Variants in SHANK2 observed in about 807,000 individuals in gnomAD.
The protein encoded by SHANK2 is SH3 and multiple ankyrin repeat domains 2, also known as SH3 and multiple ankyrin repeat domains protein 2.
Under a neutral mutation model 133.7 loss-of-function variants are expected in SHANK2, and 43 were observed. That is an observed-to-expected ratio of 0.32 (90% CI 0.25 to 0.41). The LOEUF is 0.41. SHANK2 is among the 10% of genes least tolerant of loss of function. SHANK2 has a pLI of 1.00. For missense variants in SHANK2, 1,994 were observed against 2,235.8 expected (o/e 0.89, Z 2.18); for synonymous variants, 1,017 against 952.8 (o/e 1.07, Z -1.24).
chr11:70,837,183 T>C (rs1948831755), intron 11 of SHANK2, among the ~76,000 whole-genome samples: 1 of 152,226 alleles, frequency 6.6e-6, no homozygotes, highest in Non-Finnish European at 1.5e-5. Context: ...CTGCAGCTAA[T>C]GAAGACACCA....
At chr11:70,651,321 C>A (rs1021577545) in intron 17 of SHANK2, among the ~76,000 whole-genome samples, 8 of 152,200 alleles carry the variant, frequency 5.3e-5, no homozygotes, top group African/African-American at 1.9e-4. Context: ...AGTTGCCGAG[C>A]TGCCCGCATC....
At chr11:70,725,915 G>A (rs11237298) in intron 14 of SHANK2, among the ~76,000 whole-genome samples, 14,627 of 152,208 alleles carry the variant, frequency 0.096, 856 homozygotes, top group South Asian at 0.28. Flanking sequence ...CAAGGCAGAC[G>A]TGTTGTTCTA....
chr11:70,485,257 G>C lies in SHANK2; in HGVS notation c.4979+57C>G, dbSNP rs1591485727. The stretch of plus-strand genomic sequence containing the variant: ...GGGCTGCTACCCGAGGGCCTTTCCT[G>C]GTCAGCAGGGACAGTGCACGCAGAG... On this transcript the variant is annotated intron_variant, in intron 25 of 25. Coordinates refer to ENST00000601538, the MANE Select transcript of SHANK2 (RefSeq NM_012309.5). The surrounding 1 kb of genome is among the most constrained non-coding windows in gnomAD (Gnocchi z 5.8). 1 of 1,494,410 alleles carries C rather than the reference G, an allele frequency of 6.7e-7. No individual in the cohort carries two copies. The highest frequency in any genetic ancestry group is 9.3e-7 in the Non-Finnish European group (1 of 1,076,448). The allele number at this position is 1,494,410 out of a possible 1,614,324, so 92.6% of individuals were successfully genotyped here. A position where few individuals can be genotyped will look rare whatever the true frequency, so the allele number is the denominator to read the frequency against.
At chr11:70,941,232 CCT>C (rs1950642747) in intron 10 of SHANK2, among the ~76,000 whole-genome samples, 1 of 152,182 alleles carries the variant, frequency 6.6e-6, no homozygotes, top group Non-Finnish European at 1.5e-5. Flanking sequence ...TCTCCCCTCC[CCT>C]GAGTTCTATC....
rs149957888 is a variant in SHANK2, at chr11:70,504,965, G to A, written c.2062-2034C>T. ...ACTCATTCCAGTGTTTCTGTTCCCCGTACCACTAAAAGCCATGAGGCACAG... is the reference window on the plus strand; with the variant it reads ...ACTCATTCCAGTGTTTCTGTTCCCCATACCACTAAAAGCCATGAGGCACAG... On this transcript the variant is annotated intron_variant, in intron 17 of 25. Coordinates refer to ENST00000601538, the MANE Select transcript of SHANK2 (RefSeq NM_012309.5). 5.9e-3 allele frequency among the ~76,000 whole-genome samples: 891 copies of A among 152,092 alleles called. 7 individuals carry two copies. Among genetic ancestry groups the A allele is most frequent in the African/African-American group, 0.02 (821 of 41,470 alleles).
At chr11:71,243,953 A>G (rs1324253275) in intron 1 of SHANK2, among the ~76,000 whole-genome samples, 1 of 152,244 alleles carries the variant, frequency 6.6e-6, no homozygotes, top group Admixed American at 6.5e-5. Flanking sequence ...AGAAGAATGA[A>G]GGCCAATTTT....
At chr11:70,831,189 G>A (rs782046700) in intron 11 of SHANK2, among the ~76,000 whole-genome samples, 3 of 151,964 alleles carry the variant, frequency 2.0e-5, no homozygotes, top group Non-Finnish European at 2.9e-5. Context: ...ACACCCACCC[G>A]TCCCAAAACT....
intron 2 of SHANK2, among the ~76,000 whole-genome samples, chr11:71,167,423 C>CA (rs1953180016): frequency 6.9e-6 from 1 of 144,202 alleles, no homozygotes. Context: ...GCTGACCCCC[C>CA]CCACCTCCCT....
intron 23 of SHANK2, chr11:70,489,920 C>A: frequency 2.9e-6 from 1 of 340,822 alleles, no homozygotes; most frequent in Non-Finnish European, 5.6e-6. Flanking sequence ...ACCCACTTAC[C>A]CTTCCCACCC....
At position 70,651,902 on chromosome 11, in the gene SHANK2, G is replaced by T. The variant is rs544939098; in HGVS notation, c.2061+7926C>A. 2.0e-5 allele frequency among the ~76,000 whole-genome samples: 3 copies of T among 152,316 alleles called. No individual in the cohort carries two copies. The East Asian group carries it at 5.8e-4, about 29-fold the overall frequency. On this transcript the variant is annotated intron_variant, in intron 17 of 25. Coordinates refer to ENST00000601538, the MANE Select transcript of SHANK2 (RefSeq NM_012309.5). Reference sequence around the variant, plus strand: ...GAGTGGAAGAAATTTTGGGGATGGGGTGGAGAGTTCCTAGATTGGTCATCA... The same window carrying T: ...GAGTGGAAGAAATTTTGGGGATGGGTTGGAGAGTTCCTAGATTGGTCATCA...
intron 6 of SHANK2, among the ~76,000 whole-genome samples, chr11:71,103,349 G>A (rs1555097072): frequency 1.3e-5 from 2 of 152,168 alleles, no homozygotes; most frequent in African/African-American, 4.8e-5. Context: ...GTTACTGGTA[G>A]GGTGGGTAAC....
intron 15 of SHANK2, among the ~76,000 whole-genome samples, chr11:70,688,486 C>T (rs552935004): frequency 2.0e-5 from 3 of 152,326 alleles, no homozygotes; most frequent in South Asian, 2.1e-4. Context: ...CCAGCAGCCC[C>T]GGCCATCCCA....
Position 71,122,543 on chromosome 11 carries a change from T to C in SHANK2, c.208-3511A>G, listed in dbSNP as rs544623395. On this transcript the variant is annotated intron_variant, in intron 3 of 25. Transcript: ENST00000601538. ...GGAAAGCATTACGAGAAATACCTAA[T>C]GTAAATGACGAGTTAATGGGTACAG... 2.6e-5 allele frequency among the ~76,000 whole-genome samples: 4 copies of C among 152,122 alleles called. No individual in the cohort carries two copies. In the East Asian group the frequency reaches 7.7e-4, roughly 29 times the overall value.
chr11:71,157,291 G>A (rs1319861118), intron 2 of SHANK2, among the ~76,000 whole-genome samples: 1 of 152,156 alleles, frequency 6.6e-6, no homozygotes, highest in Non-Finnish European at 1.5e-5. Flanking sequence ...TAAATCAGAT[G>A]CCTGAATTAA....
intron 14 of SHANK2, among the ~76,000 whole-genome samples, chr11:70,737,491 A>T (rs188883343): frequency 2.6e-5 from 4 of 152,058 alleles, no homozygotes; most frequent in Middle Eastern, 3.4e-3. Context: ...GCTCAATGAG[A>T]CTCTGTCCGA....
At chr11:70,506,202 G>A (rs1554968337) in intron 17 of SHANK2, among the ~76,000 whole-genome samples, 3 of 152,210 alleles carry the variant, frequency 2.0e-5, no homozygotes, top group African/African-American at 7.2e-5. Context: ...GACAGCCTGG[G>A]TGCACGTTCT....
chr11:71,217,666 T>G (rs1555120196), intron 2 of SHANK2, among the ~76,000 whole-genome samples: 1 of 152,140 alleles, frequency 6.6e-6, no homozygotes, highest in East Asian at 1.9e-4. Context: ...GTATTGAATA[T>G]CCTGACCCCG....
chr11:70,771,648 G>C (rs12800463), intron 14 of SHANK2, among the ~76,000 whole-genome samples: 2 of 152,048 alleles, frequency 1.3e-5, no homozygotes, highest in Non-Finnish European at 2.9e-5. Flanking sequence ...GAGGGGCGTG[G>C]AGCCGCGCTG....
At chr11:70,592,785 C>T (rs981983986) in intron 17 of SHANK2, among the ~76,000 whole-genome samples, 1 of 152,186 alleles carries the variant, frequency 6.6e-6, no homozygotes, top group South Asian at 2.1e-4. Flanking sequence ...GGATTCCCAT[C>T]CATGCTCCTT....
Sources: gnomAD v4.1 joint callset for allele counts (sites outside exome capture counted in the v4.1 genomes callset) on GRCh38, gnomAD v4.1.1 for gene constraint, Gnocchi (gnomAD v3.1) non-coding constraint, MANE v1.5 for transcripts, NCBI Gene and HGNC (gene_info 2026-07-23, HGNC 2026-07-21) for gene names.